TTN: variants seen among roughly 807,000 people sequenced by gnomAD.
The protein encoded by TTN is connectin.
In TTN, 1,525 loss-of-function variants were observed where a neutral mutation model predicts 3,223.0. The observed-to-expected ratio is 0.47, with a 90% CI of 0.45 to 0.49. The LOEUF (loss-of-function observed/expected upper bound fraction) is 0.49, where lower values mean the gene tolerates loss of function less well. Ranked by LOEUF, TTN falls within the 20% of genes least tolerant of loss-of-function variation. The pLI is 0.00. For missense variants in TTN, 40,786 were observed against 43,424.0 expected, an observed-to-expected ratio of 0.94 and a Z score of 5.40; for synonymous variants, 14,094 against 15,161.0, an observed-to-expected ratio of 0.93 and a Z score of 5.17.
chr2:178,794,622 G>A, intron 7 of TTN, 71 bp from the exon 8 acceptor site: 2 of 1,598,002 alleles, frequency 1.3e-6, no homozygotes, highest in Non-Finnish European at 1.7e-6. Context: ...AAAGCATACT[G>A]GAAAACTGAG....
intron 168 of TTN, among the ~76,000 whole-genome samples, 176 bp downstream of exon 168, chr2:178,664,284 A>T (rs2065455063): frequency 6.6e-6 from 1 of 152,184 alleles, no homozygotes; most frequent in African/African-American, 2.4e-5. Context: ...TTTGGTAGCC[A>T]TTTCTTTGGG....
At position 178,769,908 on chromosome 2, in the gene TTN, G is replaced by C. The variant is rs766867322; in HGVS notation, c.8673C>G (p.Ile2891Met). The C allele has an allele frequency of 1.2e-6, 2 of 1,614,044 alleles. No homozygotes were observed. The highest frequency in any genetic ancestry group is 2.2e-5 in the East Asian group (1 of 44,850). The part of the protein sequence containing the change: ...TLHITKTMKN[I>M]EVPETKTASF... Reference sequence around the variant, plus strand: ...AGGCAGTTTTGGTCTCAGGCACCTCGATATTTTTCATGGTTTTTGTAATAT... The same window carrying C: ...AGGCAGTTTTGGTCTCAGGCACCTCCATATTTTTCATGGTTTTTGTAATAT... Residue 2891 changes from isoleucine (I) to methionine (M), a missense_variant, in exon 37 of 363, where the codon ATC (isoleucine) becomes ATG (methionine). Transcript: ENST00000589042.
chr2:178,581,395 T>G, intron 316 of TTN, 104 bp downstream of exon 316: 1 of 1,005,688 alleles, frequency 9.9e-7, no homozygotes, highest in Non-Finnish European at 1.4e-6. Flanking sequence ...AGTTACCAGC[T>G]CTACACCTTG....
Position 178,607,166 on chromosome 2 carries a change from T to A in TTN, c.53436A>T (p.Arg17812Ser). 6.2e-7 allele frequency: 1 copy of A among 1,613,064 alleles called. No individual in the cohort carries two copies. Among genetic ancestry groups the A allele is most frequent in the Non-Finnish European group, 8.5e-7 (1 of 1,179,296 alleles). Residue 17812 changes from arginine to serine, a missense_variant, in exon 278 of 363, where the codon AGA becomes AGT. Arg to Ser is a moderately radical substitution (Grantham distance 110). Transcript: ENST00000589042. Reference sequence around the variant, plus strand: ...TAGATCTCTCAGTCTCTATTGGTTGTCTCCAAGTATGCATCTTGGCATCTT... The same window carrying A: ...TAGATCTCTCAGTCTCTATTGGTTGACTCCAAGTATGCATCTTGGCATCTT... The part of the protein sequence containing the change: ...ERKDAKMHTW[R>S]QPIETERSKC...
intron 142 of TTN, 119 bp downstream of exon 142, chr2:178,679,220 G>A (rs72650043): frequency 6.6e-4 from 686 of 1,042,722 alleles, no homozygotes; most frequent in Non-Finnish European, 9.1e-4. Flanking sequence ...GTTGAGAGGC[G>A]CTTGTCATGG....
At chr2:178,677,110 G>A in intron 147 of TTN, 91 bp downstream of exon 147, 2 of 762,780 alleles carry the variant, frequency 2.6e-6, no homozygotes, top group Non-Finnish European at 3.4e-6. Context: ...TATCCATTTT[G>A]TAAATATAAT....
At chr2:178,748,244 A>G in intron 47 of TTN, 1 of 1,612,970 alleles carries the variant, frequency 6.2e-7, no homozygotes, top group Non-Finnish European at 8.5e-7. Flanking sequence ...TTTAAGAGAA[A>G]GATCAGTTTT....
intron 308 of TTN, 52 bp downstream of exon 308, chr2:178,586,453 A>T: frequency 6.3e-7 from 1 of 1,587,824 alleles, no homozygotes; most frequent in South Asian, 1.2e-5. Context: ...ATATAAAAGA[A>T]GAAATTCTAA....
rs574335774 is a variant in TTN, at chr2:178,704,601, T to C, written c.29871A>G (p.Thr9957=). The change falls in exon 105 of 363, where the codon ACA becomes ACG. Residue 9957 remains threonine (T), a synonymous_variant. Transcript: ENST00000589042. ...TAAGTTGACAGTTTTTGACTCTGAG[T>C]GTATGTCGGTCACCATCAATGCTTA... ...FEISIDGDRH[T]LRVKNCQLKD... The C allele has an allele frequency of 6.2e-7, 1 of 1,613,006 alleles. No homozygotes were observed. Among genetic ancestry groups the C allele is most frequent in the Admixed American group, 1.7e-5 (1 of 59,892 alleles).
rs1429878843 is a variant in TTN at position 178,725,202 on chromosome 2, CAGAAA to C, written c.20836+161_20836+165del. 4.1e-6 allele frequency: 3 copies of C among 729,178 alleles called. No individual in the cohort carries two copies. In the African/African-American group the frequency reaches 5.5e-5, roughly 13 times the overall value. The allele number at this position is 729,178 out of a possible 1,614,324, so 45.2% of individuals were successfully genotyped here. A position where few individuals can be genotyped will look rare whatever the true frequency, so the allele number is the denominator to read the frequency against. ...CTAATTTTTGTTAGAATCACAGAAACAGAAAAGAGTGTTTGAAAGATCAACTATGT... is the reference window on the plus strand; with the variant it reads ...CTAATTTTTGTTAGAATCACAGAAACAGAGTGTTTGAAAGATCAACTATGT... On this transcript the variant is annotated intron_variant, in intron 71 of 362. Coordinates refer to ENST00000589042, the MANE Select transcript of TTN (RefSeq NM_001267550.2).
chr2:178,535,780 A>C lies in TTN; in HGVS notation c.100835T>G (p.Val33612Gly). 1.2e-6 allele frequency: 2 copies of C among 1,612,672 alleles called. No homozygotes were observed. The highest frequency in any genetic ancestry group is 1.7e-6 in the Non-Finnish European group (2 of 1,179,562). The change falls in exon 358 of 363, where the codon GTG (valine) becomes GGG (glycine). Residue 33612 changes from valine (V) to glycine (G), a missense_variant. Val to Gly is a moderately radical substitution (Grantham distance 109, BLOSUM62 -3). Coordinates refer to ENST00000589042, the MANE Select transcript of TTN (RefSeq NM_001267550.2). ...MGAVHALRGE[V>G]VSIKIPFSGK... The stretch of plus-strand genomic sequence containing the variant: ...ACTGAAAGGAATCTTGATGCTGACC[A>C]CTTCACCTCGGAGAGCATGAACTGC...
In TTN at chr2:178,779,381, G is replaced by T. The variant is rs766380916; in HGVS notation, c.3811C>A (p.Leu1271Ile). Residue 1271 changes from leucine to isoleucine, a missense_variant, in exon 23 of 363, where the codon CTT becomes ATT. Leu to Ile is a conservative substitution (Grantham distance 5, BLOSUM62 2). Transcript: ENST00000589042. ...RIIKTTLEEL[L>I]EEDGEEKMAV... ...ATCTTTTCTTCTCCATCTTCTTCAA[G>T]AAGTTCTTCTAATGTAGTCTTTATT... 3 of 1,604,724 alleles carry T rather than the reference G, an allele frequency of 1.9e-6. No homozygotes were observed. Among genetic ancestry groups the T allele is most frequent in the Non-Finnish European group, 2.6e-6 (3 of 1,171,964 alleles).
rs1203640038 is a variant in TTN, at chr2:178,649,538, A to G, written c.39973+16T>C. On this transcript the variant is annotated intron_variant, in intron 212 of 362. Transcript: ENST00000589042. ...GAATACTTTCTTTTTTATGATGCCA[A>G]CGATGAAGTGAATACCTTTAGCTGC... 2.6e-6 allele frequency: 4 copies of G among 1,547,436 alleles called. No individual in the cohort carries two copies. In the Admixed American group the frequency reaches 7.9e-5, roughly 31 times the overall value.
In TTN at chr2:178,740,536, C is replaced by A; in HGVS notation, c.12697G>T (p.Val4233Leu). The A allele has an allele frequency of 6.2e-7, 1 of 1,613,794 alleles. No homozygotes were observed. Among genetic ancestry groups the A allele is most frequent in the Non-Finnish European group, 8.5e-7 (1 of 1,179,812 alleles). ...HSYLTSVAEEVLSPKEKTVSD... is the reference protein window; with the variant it reads ...HSYLTSVAEELLSPKEKTVSD... ...ACTGTCTTTTCTTTTGGTGAAAGTA[C>A]TTCCTCAGCCACAGAGGTTAGATAA... The change falls in exon 48 of 363, where the codon GTA becomes TTA. Residue 4233 changes from valine to leucine, a missense_variant. Transcript: ENST00000589042.
In TTN at chr2:178,576,935, C is replaced by G. The variant is rs1373489781; in HGVS notation, c.69400G>C (p.Val23134Leu). Residue 23134 changes from valine to leucine, a missense_variant, in exon 324 of 363, where the codon GTA becomes CTA. Physicochemically the swap from Val to Leu is conservative, Grantham distance 32. Coordinates refer to ENST00000589042, the MANE Select transcript of TTN (RefSeq NM_001267550.2). The surrounding 1 kb of genome is among the most constrained non-coding windows in gnomAD (Gnocchi z 4.3). ...EPVQSEPVKMVDRFGPPGPPE... is the reference protein window; with the variant it reads ...EPVQSEPVKMLDRFGPPGPPE... Reference sequence around the variant, plus strand: ...ATGCTCTACATACCAAATCTGTCTACCATTTTGACAGGTTCAGACTGTACA... The same window carrying G: ...ATGCTCTACATACCAAATCTGTCTAGCATTTTGACAGGTTCAGACTGTACA... The G allele has an allele frequency of 6.2e-7, 1 of 1,610,812 alleles. No homozygotes were observed.
Position 178,665,703 on chromosome 2 carries a change from G to T in TTN, c.35959+5C>A. ...TGAAGGAAGGAATGGCAGGATGAACGATACCTTTAGTGGGAGGTATTTCAA... is the reference window on the plus strand; with the variant it reads ...TGAAGGAAGGAATGGCAGGATGAACTATACCTTTAGTGGGAGGTATTTCAA... On this transcript the variant is annotated splice_donor_5th_base_variant and intron_variant, in intron 164 of 362. Coordinates refer to ENST00000589042, the MANE Select transcript of TTN (RefSeq NM_001267550.2). 1 of 1,337,380 alleles carries T rather than the reference G, an allele frequency of 7.5e-7. No homozygotes were observed. Among genetic ancestry groups the T allele is most frequent in the Non-Finnish European group, 9.5e-7 (1 of 1,047,856 alleles). The allele number at this position is 1,337,380 out of a possible 1,614,324, so 82.8% of individuals were successfully genotyped here.
chr2:178,678,701 A>G (rs770123991), intron 143 of TTN, 46 bp downstream of exon 143: 1 of 1,558,348 alleles, frequency 6.4e-7, no homozygotes, highest in East Asian at 2.3e-5. Context: ...TTTTACCCAT[A>G]TGCAAATGTG....
At position 178,530,867 on chromosome 2, in the gene TTN, G is replaced by T. The variant is rs1688822241; in HGVS notation, c.105748C>A (p.Pro35250Thr). The T allele has an allele frequency of 1.9e-6, 3 of 1,613,682 alleles. No homozygotes were observed. The highest frequency in any genetic ancestry group is 2.5e-6 in the Non-Finnish European group (3 of 1,179,856). ...GGTTCTGGAGATTTCACTCGTTTTG[G>T]AGACTTAACTGCTTCTGGGGATTTC... ...RVKSPEAVKS[P>T]KRVKSPEPSH... The change falls in exon 358 of 363, where the codon CCA becomes ACA. Residue 35250 changes from proline to threonine, a missense_variant. Coordinates refer to ENST00000589042, the MANE Select transcript of TTN (RefSeq NM_001267550.2).
intron 47 of TTN, chr2:178,745,590 T>C: frequency 6.2e-7 from 1 of 1,612,470 alleles, no homozygotes; most frequent in Non-Finnish European, 8.5e-7. Context: ...ACATTTTAAG[T>C]TAAGGTGAGT....
Sources: gnomAD v4.1 joint callset for allele counts (sites outside exome capture counted in the v4.1 genomes callset) on GRCh38, gnomAD v4.1.1 for gene constraint, Gnocchi (gnomAD v3.1) non-coding constraint, MANE v1.5 for transcripts, NCBI Gene and HGNC (gene_info 2026-07-23, HGNC 2026-07-21) for gene names.